The following CYRIB variants were observed in gnomAD, a reference collection of about 807,000 sequenced individuals.
The protein encoded by CYRIB is CYFIP-related Rac1 interactor B.
A neutral mutation model predicts 44.2 loss-of-function variants in CYRIB; 8 were observed. The observed-to-expected ratio is 0.18, with a 90% CI of 0.11 to 0.33. The LOEUF (loss-of-function observed/expected upper bound fraction) is 0.33, where lower values mean the gene tolerates loss of function less well. Among genes scored for constraint, CYRIB ranks in the 10% least tolerant of loss-of-function variants. The probability of loss-of-function intolerance (pLI) is 1.00; values close to 1 mark genes in which losing one functional copy is unlikely to be tolerated. For synonymous variants in CYRIB, 131 were observed against 127.2 expected (o/e 1.03, Z -0.20); for missense variants, 185 against 382.8 (o/e 0.48, Z 4.31).
intron 2 of CYRIB, among the ~76,000 whole-genome samples, chr8:129,962,725 A>T (rs2095319250): frequency 1.3e-5 from 2 of 152,094 alleles, no homozygotes; most frequent in Non-Finnish European, 2.9e-5. Flanking sequence ...CACTCGGGGT[A>T]TTGCATAACC....
chr8:129,892,355 T>C (rs2065811735), intron 2 of CYRIB, among the ~76,000 whole-genome samples: 1 of 152,228 alleles, frequency 6.6e-6, no homozygotes, highest in African/African-American at 2.4e-5. Flanking sequence ...TCTGAATTCA[T>C]TTTGCAAACA....
intron 1 of CYRIB, among the ~76,000 whole-genome samples, chr8:129,919,829 T>C (rs147153988): frequency 1.3e-3 from 197 of 152,282 alleles, no homozygotes; most frequent in African/African-American, 4.4e-3. Context: ...AATAAAATAA[T>C]ACTAAAATCC....
At chr8:129,992,569 C>G (rs2096664453) in intron 1 of CYRIB, among the ~76,000 whole-genome samples, 1 of 152,186 alleles carries the variant, frequency 6.6e-6, no homozygotes, top group Admixed American at 6.5e-5. Context: ...GACGCACAGA[C>G]CTTGTTTTCC....
At chr8:129,969,177 C>A (rs796491555) in intron 2 of CYRIB, among the ~76,000 whole-genome samples, 52 of 152,226 alleles carry the variant, frequency 3.4e-4, no homozygotes, top group African/African-American at 1.1e-3. Context: ...CCACACCCGG[C>A]TGATTTTTGT....
intron 1 of CYRIB, among the ~76,000 whole-genome samples, chr8:130,009,917 G>A (rs1001008817): frequency 2.6e-5 from 4 of 152,216 alleles, no homozygotes; most frequent in African/African-American, 9.6e-5. Context: ...GTGAGCACTG[G>A]ATGTAAATTC....
At chr8:129,995,461 A>G (rs2096744047) in intron 1 of CYRIB, among the ~76,000 whole-genome samples, 1 of 152,236 alleles carries the variant, frequency 6.6e-6, no homozygotes, top group Non-Finnish European at 1.5e-5. Context: ...AGCATCAGTT[A>G]CATTGTGAAT....
intron 1 of CYRIB, among the ~76,000 whole-genome samples, chr8:129,990,946 C>G (rs2096616642): frequency 6.6e-6 from 1 of 152,054 alleles, no homozygotes; most frequent in Non-Finnish European, 1.5e-5. Context: ...GCCTGGCCAA[C>G]ATGGCAAAAG....
intron 1 of CYRIB, among the ~76,000 whole-genome samples, chr8:129,906,797 C>T (rs528280275): frequency 7.8e-4 from 118 of 152,234 alleles, no homozygotes; most frequent in Non-Finnish European, 1.1e-3. Flanking sequence ...GCGAAGGATA[C>T]GAACAGACAC....
intron 1 of CYRIB, among the ~76,000 whole-genome samples, chr8:129,990,497 CGTGTGTGT>C (rs34534615): frequency 0.041 from 6,049 of 147,400 alleles, 135 homozygotes; most frequent in Middle Eastern, 0.072. Flanking sequence ...TGTGTGTATG[CGTGTGTGT>C]GTGTGTGTGT....
intron 1 of CYRIB, among the ~76,000 whole-genome samples, chr8:129,915,569 A>G (rs2080305276): frequency 6.6e-6 from 1 of 152,218 alleles, no homozygotes; most frequent in African/African-American, 2.4e-5. Flanking sequence ...GGTAGGGTGG[A>G]TAGATTTGAA....
chr8:129,986,365 C>T (rs183364494), intron 1 of CYRIB, among the ~76,000 whole-genome samples: 1 of 152,306 alleles, frequency 6.6e-6, no homozygotes, highest in African/African-American at 2.4e-5. Flanking sequence ...GTTCAGGTCA[C>T]CATTGCAGAA....
At chr8:129,930,840 C>G (rs557458846) in intron 1 of CYRIB, among the ~76,000 whole-genome samples, 2 of 152,266 alleles carry the variant, frequency 1.3e-5, no homozygotes, top group South Asian at 2.1e-4. Flanking sequence ...CAACTGAGAA[C>G]TAGCTCCACA....
intron 2 of CYRIB, among the ~76,000 whole-genome samples, chr8:129,956,422 C>T (rs1046401628): frequency 1.8e-4 from 27 of 152,186 alleles, no homozygotes; most frequent in Admixed American, 1.4e-3. Flanking sequence ...AGTGTATGAC[C>T]TTAGGCTTGG....
chr8:129,852,412 C>CT, intron 7 of CYRIB, 134 bp from the exon 10 acceptor site: 1 of 423,070 alleles, frequency 2.4e-6, no homozygotes, highest in Non-Finnish European at 4.1e-6. Flanking sequence ...CTCAAATATT[C>CT]TTTTTAAAAA....
At chr8:129,866,390 T>G (rs1378869497) in intron 4 of CYRIB, among the ~76,000 whole-genome samples, 1 of 152,200 alleles carries the variant, frequency 6.6e-6, no homozygotes, top group Non-Finnish European at 1.5e-5. Flanking sequence ...GGACTAATTT[T>G]TCTCCTATCT....
chr8:129,947,228 T>G (rs1305393779), intron 2 of CYRIB, among the ~76,000 whole-genome samples: 1 of 152,072 alleles, frequency 6.6e-6, no homozygotes, highest in African/African-American at 2.4e-5. Context: ...CAGCTAATTT[T>G]TTCATATTTT....
chr8:129,990,512 G>A (rs2096605012), intron 1 of CYRIB, among the ~76,000 whole-genome samples: 1 of 151,602 alleles, frequency 6.6e-6, no homozygotes, highest in Non-Finnish European at 1.5e-5. Flanking sequence ...GTGTGTGTGT[G>A]TGTGTGTGTG....
At chr8:129,859,392 G>A (rs770993587) in intron 5 of CYRIB, among the ~76,000 whole-genome samples, 32 of 151,934 alleles carry the variant, frequency 2.1e-4, no homozygotes, top group Non-Finnish European at 3.4e-4. Flanking sequence ...TTAGGCCTCC[G>A]GATAACTGCA....
chr8:129,972,339 G>A lies in CYRIB; in HGVS notation c.-295-1344C>T, dbSNP rs115032954. ...CTAGGCCAGGCACGGTGGCTCACCCGTAATCCTAACATTTTAGGAGGCTGA... is the reference window on the plus strand; with the variant it reads ...CTAGGCCAGGCACGGTGGCTCACCCATAATCCTAACATTTTAGGAGGCTGA... On this transcript the variant is annotated intron_variant, in intron 1 of 14. Coordinates refer to the CYRIB transcript ENST00000401979. Among the ~76,000 whole-genome samples the A allele has an allele frequency of 3.8e-3, 586 of 152,258 alleles. 5 individuals are homozygous for A. Among genetic ancestry groups the A allele is most frequent in the African/African-American group, 0.013 (552 of 41,550 alleles).
Sources: gnomAD v4.1 joint callset for allele counts (sites outside exome capture counted in the v4.1 genomes callset) on GRCh38, gnomAD v4.1.1 for gene constraint, MANE v1.5 for transcripts, NCBI Gene and HGNC (gene_info 2026-07-23, HGNC 2026-07-21) for gene names.